PAN3: variants seen among roughly 807,000 people sequenced by gnomAD.
The protein encoded by PAN3 is PAN2-PAN3 deadenylation complex subunit PAN3.
In PAN3, 19 loss-of-function variants were observed where a neutral mutation model predicts 96.2. The ratio of observed to expected loss-of-function variants is 0.20; its 90% CI spans 0.14 to 0.29. The LOEUF (loss-of-function observed/expected upper bound fraction) is 0.29, where lower values mean the gene tolerates loss of function less well. Ranked by LOEUF, PAN3 falls within the 10% of genes least tolerant of loss-of-function variation. The probability of loss-of-function intolerance (pLI) is 1.00; values close to 1 mark genes in which losing one functional copy is unlikely to be tolerated. For missense variants in PAN3, 882 were observed against 1,108.1 expected, an observed-to-expected ratio of 0.80 and a Z score of 2.90; for synonymous variants, 433 against 406.6, an observed-to-expected ratio of 1.06 and a Z score of -0.78.
chr13:28,153,346 C>G (rs1362545106), intron 1 of PAN3, among the ~76,000 whole-genome samples: 1 of 150,538 alleles, frequency 6.6e-6, no homozygotes, highest in Non-Finnish European at 1.5e-5. Flanking sequence ...AGCGATTCTC[C>G]TGCCTCAGCC....
intron 17 of PAN3, among the ~76,000 whole-genome samples, chr13:28,286,590 A>G (rs930526569): frequency 1.3e-5 from 2 of 152,192 alleles, no homozygotes; most frequent in Non-Finnish European, 1.5e-5. Context: ...ATTAGGGTTC[A>G]GTTTTGTCAG....
At chr13:28,165,303 A>G (rs1423417440) in intron 1 of PAN3, among the ~76,000 whole-genome samples, 1 of 64,420 alleles carries the variant, frequency 1.6e-5, no homozygotes, top group African/African-American at 6.8e-5. Context: ...TTTTTTTTGT[A>G]GAGATGGGGG....
chr13:28,284,321 A>C (rs1002546554), intron 17 of PAN3, among the ~76,000 whole-genome samples: 1 of 149,724 alleles, frequency 6.7e-6, no homozygotes, highest in East Asian at 1.9e-4. Context: ...TTTATTTTCA[A>C]TTGGATTGCT....
chr13:28,257,959 C>A (rs1885354942), intron 7 of PAN3, among the ~76,000 whole-genome samples: 1 of 151,586 alleles, frequency 6.6e-6, no homozygotes, highest in South Asian at 2.1e-4. Context: ...TACAGACGCA[C>A]ACCACCATGC....
intron 1 of PAN3, 66 bp downstream of exon 1, chr13:28,139,153 G>A: frequency 8.0e-7 from 1 of 1,247,556 alleles, no homozygotes. Context: ...ATGAGGCCCT[G>A]CTGCCGACGG....
chr13:28,269,875 A>G (rs1479136439), intron 12 of PAN3, among the ~76,000 whole-genome samples: 1 of 152,162 alleles, frequency 6.6e-6, no homozygotes, highest in Non-Finnish European at 1.5e-5. Flanking sequence ...TACATAATTA[A>G]CCATTTAATT....
At chr13:28,288,222 A>G (rs1299922142) in intron 18 of PAN3, 100 bp downstream of exon 18, 9 of 1,065,102 alleles carry the variant, frequency 8.4e-6, no homozygotes, top group Non-Finnish European at 1.2e-5. Flanking sequence ...ATCAGGATGT[A>G]CTCTTAAAGT....
intron 4 of PAN3, 54 bp downstream of exon 4, chr13:28,177,989 G>T (rs1875273255): frequency 1.3e-6 from 2 of 1,493,966 alleles, no homozygotes; most frequent in Non-Finnish European, 1.9e-6. Flanking sequence ...AGTGATGTTG[G>T]CATTGTTACC....
intron 1 of PAN3, 57 bp from the exon 2 acceptor site, chr13:28,174,215 A>C (rs904180599): frequency 1.3e-6 from 2 of 1,535,082 alleles, no homozygotes; most frequent in Non-Finnish European, 1.8e-6. Context: ...CAGAAGTGAA[A>C]TCAATGTTTC....
chr13:28,257,687 T>TATAAATATATATTATATATA (rs1885260782), intron 7 of PAN3, among the ~76,000 whole-genome samples: 1 of 134,596 alleles, frequency 7.4e-6, no homozygotes, highest in Non-Finnish European at 1.6e-5. Flanking sequence ...TATTAAATTA[T>TATAAATATATATTATATATA]ATAAATATAT....
chr13:28,176,674 TA>T, intron 3 of PAN3, 115 bp downstream of exon 3: 1 of 1,000,920 alleles, frequency 1.0e-6, no homozygotes, highest in Non-Finnish European at 1.5e-6. Flanking sequence ...AAGAAGAAAA[TA>T]AAAATTATTA....
intron 6 of PAN3, among the ~76,000 whole-genome samples, chr13:28,226,744 A>T (rs564211564): frequency 6.2e-4 from 94 of 152,346 alleles, no homozygotes; most frequent in African/African-American, 2.2e-3. Context: ...TGCCTGGTGA[A>T]AAAGTTTAAC....
chr13:28,186,025 T>C (rs535853916), intron 4 of PAN3, among the ~76,000 whole-genome samples: 5 of 152,348 alleles, frequency 3.3e-5, no homozygotes, highest in South Asian at 4.1e-4. Flanking sequence ...CCAAATTAAA[T>C]GTAACCAAAA....
intron 12 of PAN3, 143 bp from the exon 13 acceptor site, chr13:28,270,558 C>T: frequency 1.4e-6 from 1 of 725,216 alleles, no homozygotes. Flanking sequence ...ACTTAAATTA[C>T]ACACATACAT....
At chr13:28,158,187 A>G (rs182633080) in intron 1 of PAN3, among the ~76,000 whole-genome samples, 221 of 152,332 alleles carry the variant, frequency 1.5e-3, no homozygotes, top group Non-Finnish European at 2.1e-3. Flanking sequence ...CACCATATAC[A>G]AAAAATTAAC....
intron 4 of PAN3, among the ~76,000 whole-genome samples, chr13:28,178,173 G>A (rs1875295204): frequency 6.6e-6 from 1 of 152,086 alleles, no homozygotes; most frequent in Non-Finnish European, 1.5e-5. Flanking sequence ...TTTTTGTTCA[G>A]TTTATTTATC....
chr13:28,198,308 G>A (rs1040957014), intron 5 of PAN3, among the ~76,000 whole-genome samples: 1 of 151,280 alleles, frequency 6.6e-6, no homozygotes, highest in Non-Finnish European at 1.5e-5. Flanking sequence ...AAAAAGAGTC[G>A]TATAAAATTT....
chr13:28,158,466 A>T (rs1267336414), intron 1 of PAN3, among the ~76,000 whole-genome samples: 1 of 152,238 alleles, frequency 6.6e-6, no homozygotes, highest in Non-Finnish European at 1.5e-5. Flanking sequence ...TGATACCCAG[A>T]ATCTATAAGG....
At chr13:28,261,331 T>C in intron 8 of PAN3, 70 bp from the exon 9 acceptor site, 1 of 1,094,778 alleles carries the variant, frequency 9.1e-7, no homozygotes, top group Non-Finnish European at 1.3e-6. Flanking sequence ...CTTAGGTTAT[T>C]TAATTATAAT....
Sources: gnomAD v4.1 joint callset for allele counts (sites outside exome capture counted in the v4.1 genomes callset) on GRCh38, gnomAD v4.1.1 for gene constraint, MANE v1.5 for transcripts, NCBI Gene and HGNC (gene_info 2026-07-23, HGNC 2026-07-21) for gene names.